The following TPCN2 variants were observed in gnomAD, a reference collection of about 807,000 sequenced individuals.
TPCN2 encodes two pore channel protein 2.
Under a neutral mutation model 111.4 loss-of-function variants are expected in TPCN2, and 92 were observed. The observed-to-expected ratio is 0.83, with a 90% CI of 0.70 to 0.98. TPCN2 has a LOEUF of 0.98. Ranked by LOEUF, TPCN2 falls within the 50% of genes least tolerant of loss-of-function variation. The pLI is 0.00. For missense variants in TPCN2, 995 were observed against 980.1 expected, an observed-to-expected ratio of 1.02 and a Z score of -0.20; for synonymous variants, 405 against 414.5, an observed-to-expected ratio of 0.98 and a Z score of 0.28.
chr11:69,057,731 T>A (rs1565080928), intron 5 of TPCN2, 37 bp downstream of exon 5: 9 of 1,598,788 alleles, frequency 5.6e-6, no homozygotes, highest in Non-Finnish European at 7.7e-6. Context: ...GATGGAGAGA[T>A]CTGGGGCTGG....
intron 7 of TPCN2, among the ~76,000 whole-genome samples, chr11:69,066,937 A>C (rs1276591648): frequency 1.3e-5 from 2 of 152,166 alleles, no homozygotes; most frequent in Admixed American, 1.3e-4. Flanking sequence ...GACCCCTCTC[A>C]GGAGGGAGAG....
chr11:69,071,224 T>A, intron 9 of TPCN2, 132 bp from the exon 10 acceptor site: 1 of 701,644 alleles, frequency 1.4e-6, no homozygotes, highest in Non-Finnish European at 2.6e-6. Context: ...CACCTGTGAC[T>A]GCGCTGGCCA....
At chr11:69,067,422 G>A in intron 7 of TPCN2, 81 bp from the exon 8 acceptor site, 9 of 1,332,672 alleles carry the variant, frequency 6.8e-6, no homozygotes, top group South Asian at 1.2e-5. Context: ...GATGGTTCCA[G>A]CCGGTTGGGT....
Position 69,089,950 on chromosome 11 carries a change from G to A in TPCN2, c.*1997G>A, listed in dbSNP as rs990317920. The stretch of plus-strand genomic sequence containing the variant: ...GTTATGTACCTACAGTTCTTTAGCT[G>A]TTTCTTTACTTTCTGGTGCAAAAAG... On this transcript the variant is annotated 3_prime_UTR_variant, in exon 25 of 25. Coordinates refer to ENST00000294309, the MANE Select transcript of TPCN2 (RefSeq NM_139075.4). 6.6e-6 allele frequency: 1 copy of A among 152,128 alleles called. No homozygotes were observed. The highest frequency in any genetic ancestry group is 1.5e-5 in the Non-Finnish European group (1 of 68,028). 9.4% of individuals were successfully genotyped at this position (152,128 alleles called of 1,614,324 possible). A position where few individuals can be genotyped will look rare whatever the true frequency, so the allele number is the denominator to read the frequency against.
At position 69,078,912 on chromosome 11, in the gene TPCN2, T is replaced by C; in HGVS notation, c.1431T>C (p.Ile477=). The C allele has an allele frequency of 6.2e-7, 1 of 1,614,070 alleles. No homozygotes were observed. The highest frequency in any genetic ancestry group is 8.5e-7 in the Non-Finnish European group (1 of 1,179,982). ...FILGILNCVF[I]VYYLLEMLLK... ...TTCAGATTCTCAACTGCGTCTTCAT[T>C]GTGTACTACCTGTTGGAGATGCTGC... Residue 477 remains isoleucine (I), a synonymous_variant, in exon 16 of 25, where the codon ATT becomes ATC. Coordinates refer to ENST00000294309, the MANE Select transcript of TPCN2 (RefSeq NM_139075.4).
chr11:69,059,356 C>T (rs1854918095), intron 5 of TPCN2, among the ~76,000 whole-genome samples: 1 of 152,154 alleles, frequency 6.6e-6, no homozygotes, highest in Admixed American at 6.5e-5. Context: ...CCGGTGGAAG[C>T]ATCCCCACCT....
At chr11:69,083,841 C>T (rs1282815998) in intron 18 of TPCN2, 104 bp from the exon 19 acceptor site, 2 of 1,046,636 alleles carry the variant, frequency 1.9e-6, no homozygotes, top group African/African-American at 1.5e-5. Flanking sequence ...GGTCATTGGC[C>T]TGCCCCATCT....
At chr11:69,078,253 GTTTCAGTTGCTTCTA>G (rs2134617166) in intron 13 of TPCN2, among the ~76,000 whole-genome samples, 1 of 151,990 alleles carries the variant, frequency 6.6e-6, no homozygotes, top group East Asian at 1.9e-4. Context: ...CTCAGTGGAT[GTTTCAGTTGCTTCTA>G]TTTCTCTTTG....
intron 13 of TPCN2, among the ~76,000 whole-genome samples, chr11:69,076,546 TCCTGCTCTGTCCCTCCACCTGCCC>T: frequency 2.1e-5 from 1 of 47,368 alleles, no homozygotes; most frequent in African/African-American, 5.1e-5. Flanking sequence ...AGGCCTGCCC[TCCTGCTCTGTCCCTCCACCTGCCC>T]TCCTGCTCTG....
At chr11:69,070,925 A>T (rs1435851639) in intron 9 of TPCN2, among the ~76,000 whole-genome samples, 1 of 101,962 alleles carries the variant, frequency 9.8e-6, no homozygotes, top group Non-Finnish European at 1.9e-5. Flanking sequence ...CAACAGCTTC[A>T]CCCCAGGGAT....
intron 7 of TPCN2, among the ~76,000 whole-genome samples, chr11:69,064,546 C>T (rs965770073): frequency 1.3e-5 from 2 of 152,152 alleles, no homozygotes; most frequent in Non-Finnish European, 2.9e-5. Flanking sequence ...TGTGTGGAGG[C>T]GTCTTCCTGT....
Position 69,087,932 on chromosome 11 carries a change from G to A in TPCN2, c.2238G>A (p.Pro746=), listed in dbSNP as rs370683955. 1.9e-5 allele frequency: 30 copies of A among 1,610,744 alleles called. No homozygotes were observed. Among genetic ancestry groups the A allele is most frequent in the South Asian group, 6.6e-5 (6 of 90,534 alleles). The change falls in exon 25 of 25, where the codon CCG becomes CCA. Residue 746 remains proline (P), a synonymous_variant. Transcript: ENST00000294309. ...TCACAGAGAGGCTGAGCCAGCACCC[G>A]CACCTGTGGCTGTGCAGGTGACGTC... ...DELTERLSQH[P]HLWLCR
intron 18 of TPCN2, among the ~76,000 whole-genome samples, chr11:69,082,554 C>T (rs1367391734): frequency 1.3e-5 from 2 of 152,202 alleles, no homozygotes; most frequent in East Asian, 3.9e-4. Context: ...AACTCGTGCC[C>T]GGGTAAGACG....
chr11:69,082,502 G>A (rs934114651), intron 18 of TPCN2, among the ~76,000 whole-genome samples: 3 of 152,240 alleles, frequency 2.0e-5, no homozygotes, highest in East Asian at 3.8e-4. Context: ...CGTGTAAGAC[G>A]CATGATCGTG....
chr11:69,068,239 C>G lies in TPCN2; in HGVS notation c.829+634C>G, dbSNP rs554491173. Among the ~76,000 whole-genome samples, 457 of 152,198 alleles carry G rather than the reference C, an allele frequency of 3.0e-3. 3 individuals are homozygous for G. Among genetic ancestry groups the G allele is most frequent in the Non-Finnish European group, 4.3e-3 (291 of 67,984 alleles). On this transcript the variant is annotated intron_variant, in intron 8 of 24. Coordinates refer to ENST00000294309, the MANE Select transcript of TPCN2 (RefSeq NM_139075.4). The stretch of plus-strand genomic sequence containing the variant: ...GACCCTGAGTGCTGTCTCTTGTGTC[C>G]TCTGAGTCCTAGGAAGTGACCGCAG...
chr11:69,057,382 T>C (rs1854819635), intron 4 of TPCN2, among the ~76,000 whole-genome samples, 196 bp from the exon 5 acceptor site: 1 of 152,276 alleles, frequency 6.6e-6, no homozygotes, highest in South Asian at 2.1e-4. Flanking sequence ...TGCCTGAGAC[T>C]GCACAGCGAG....
At chr11:69,087,418 C>T (rs1331393446) in intron 24 of TPCN2, among the ~76,000 whole-genome samples, 1 of 152,188 alleles carries the variant, frequency 6.6e-6, no homozygotes, top group Admixed American at 6.5e-5. Context: ...AGCCTTTGTC[C>T]TGCTCTCCTG....
At position 69,088,944 on chromosome 11, in the gene TPCN2, T is replaced by G. The variant is rs1194696352; in HGVS notation, c.*991T>G. 6.6e-6 allele frequency: 1 copy of G among 152,122 alleles called. No individual in the cohort carries two copies. The highest frequency in any genetic ancestry group is 1.5e-5 in the Non-Finnish European group (1 of 68,040). The allele number at this position is 152,122 out of a possible 1,614,324, so 9.4% of individuals were successfully genotyped here. ...GGACCCAGCAACTCCCAGAAACAAC[T>G]CCGGGGACACCACTCCCCATCACAC... On this transcript the variant is annotated 3_prime_UTR_variant, in exon 25 of 25. Coordinates refer to ENST00000294309, the MANE Select transcript of TPCN2 (RefSeq NM_139075.4).
At position 69,085,844 on chromosome 11, in the gene TPCN2, G is replaced by A. The variant is rs201724061; in HGVS notation, c.1921-4G>A. On this transcript the variant is annotated splice_polypyrimidine_tract_variant and splice_region_variant and intron_variant, in intron 21 of 24. Coordinates refer to ENST00000294309, the MANE Select transcript of TPCN2 (RefSeq NM_139075.4). ...TCCTGGACCGCTGGTCTCTGCCCCCGCAGGCTGCCCTGGTCACTCTGTGGA... is the reference window on the plus strand; with the variant it reads ...TCCTGGACCGCTGGTCTCTGCCCCCACAGGCTGCCCTGGTCACTCTGTGGA... 3.0e-4 allele frequency: 477 copies of A among 1,614,056 alleles called. 2 individuals are homozygous for A. The highest frequency in any genetic ancestry group is 9.4e-4 in the South Asian group (86 of 91,078).
Sources: allele counts gnomAD v4.1 joint callset (sites outside exome capture counted in the v4.1 genomes callset), GRCh38; gene constraint gnomAD v4.1.1; transcripts MANE v1.5; gene names NCBI Gene and HGNC (gene_info 2026-07-23, HGNC 2026-07-21).